The following UGT1A6 variants were observed in gnomAD, a reference collection of about 807,000 sequenced individuals.
UGT1A6 encodes UDP-glucuronosyltransferase 1A6.
A neutral mutation model predicts 44.4 loss-of-function variants in UGT1A6; 32 were observed. The ratio of observed to expected loss-of-function variants is 0.72; its 90% CI spans 0.54 to 0.97. UGT1A6 has a LOEUF of 0.97. Among genes scored for constraint, UGT1A6 ranks in the 50% least tolerant of loss-of-function variants. The probability of loss-of-function intolerance (pLI) is 0.00; values close to 1 mark genes in which losing one functional copy is unlikely to be tolerated. For synonymous variants in UGT1A6, 238 were observed against 248.5 expected (o/e 0.96, Z 0.40); for missense variants, 685 against 661.9 (o/e 1.03, Z -0.38).
At chr2:233,734,022 G>T (rs1181978921) in intron 1 of UGT1A6, among the ~76,000 whole-genome samples, 1 of 151,928 alleles carries the variant, frequency 6.6e-6, no homozygotes, top group Non-Finnish European at 1.5e-5. Context: ...CGAGTTAATG[G>T]GTGCAGCACA....
rs45569333 is a variant in UGT1A6, at chr2:233,718,151, T to A, written c.861+24286T>A. The A allele has an allele frequency of 1.8e-4, 44 of 241,004 alleles. No individual in the cohort carries two copies. The East Asian group carries it at 3.7e-3, about 20-fold the overall frequency. The allele number at this position is 241,004 out of a possible 1,614,324, so 14.9% of individuals were successfully genotyped here. ...TAGATGGAGAATCCTCAATAAAGCC[T>A]TCCCAAGAATATGATCATCACATCT... On this transcript the variant is annotated intron_variant, in intron 1 of 4. Transcript: ENST00000305139.
At chr2:233,719,076 C>A (rs2076722760) in intron 1 of UGT1A6, 1 of 1,614,264 alleles carries the variant, frequency 6.2e-7, no homozygotes, top group East Asian at 2.2e-5. Context: ...TCCATGGACC[C>A]AGAAGGAATT....
intron 1 of UGT1A6, among the ~76,000 whole-genome samples, chr2:233,721,134 G>T (rs929528058): frequency 6.6e-6 from 1 of 152,014 alleles, no homozygotes; most frequent in East Asian, 1.9e-4. Context: ...ATTAGTGTAG[G>T]TATTATTGCA....
At chr2:233,731,004 T>C (rs2078096458) in intron 1 of UGT1A6, among the ~76,000 whole-genome samples, 1 of 152,244 alleles carries the variant, frequency 6.6e-6, no homozygotes, top group South Asian at 2.1e-4. Flanking sequence ...CTGTGCCATG[T>C]ACATCGTGAG....
At chr2:233,739,434 A>C (rs369218024) in intron 1 of UGT1A6, among the ~76,000 whole-genome samples, 2 of 152,136 alleles carry the variant, frequency 1.3e-5, no homozygotes, top group African/African-American at 2.4e-5. Flanking sequence ...CGAGGGCTTT[A>C]CCCTGCAAAG....
intron 4 of UGT1A6, chr2:233,770,632 T>G (rs561537548): frequency 1.3e-5 from 2 of 150,950 alleles, no homozygotes; most frequent in Admixed American, 6.6e-5. Flanking sequence ...CACTCCAGCC[T>G]GGGCGACAGA....
intron 1 of UGT1A6, among the ~76,000 whole-genome samples, chr2:233,712,135 C>T (rs953874748): frequency 2.6e-5 from 4 of 152,214 alleles, no homozygotes; most frequent in South Asian, 2.1e-4. Flanking sequence ...CTGGAGCCTT[C>T]AGCATTCAGA....
intron 1 of UGT1A6, among the ~76,000 whole-genome samples, chr2:233,742,109 C>T (rs544656761): frequency 8.6e-5 from 13 of 151,972 alleles, no homozygotes; most frequent in Admixed American, 7.8e-4. Context: ...ACTGCCAAGA[C>T]CAGCTTGGTC....
At chr2:233,760,762 A>G in intron 1 of UGT1A6, 9 of 1,614,056 alleles carry the variant, frequency 5.6e-6, no homozygotes, top group Non-Finnish European at 7.6e-6. Flanking sequence ...TTGCAGCCCC[A>G]TCGTGGCCCA....
intron 1 of UGT1A6, among the ~76,000 whole-genome samples, chr2:233,722,821 T>C (rs1575543414): frequency 6.6e-6 from 1 of 151,782 alleles, no homozygotes; most frequent in African/African-American, 2.4e-5. Flanking sequence ...TTTCAAGTTA[T>C]TTTGTATTAT....
At chr2:233,729,800 A>G (rs778424052) in intron 1 of UGT1A6, 13 of 1,613,840 alleles carry the variant, frequency 8.1e-6, no homozygotes, top group South Asian at 1.1e-5. Context: ...TACATTTGCC[A>G]TGCTTTTTCT....
At chr2:233,748,499 T>C (rs1693956853) in intron 1 of UGT1A6, among the ~76,000 whole-genome samples, 1 of 151,838 alleles carries the variant, frequency 6.6e-6, no homozygotes, top group Admixed American at 6.5e-5. Context: ...GTGATAATTT[T>C]TAGTGGTCCT....
intron 1 of UGT1A6, among the ~76,000 whole-genome samples, chr2:233,750,888 T>C (rs577435588): frequency 6.6e-6 from 1 of 152,002 alleles, no homozygotes; most frequent in South Asian, 2.1e-4. Context: ...GGAGCCCTTA[T>C]AGAGAACCTC....
chr2:233,702,396 T>TTATC (rs1241855388), intron 1 of UGT1A6, among the ~76,000 whole-genome samples: 1 of 152,220 alleles, frequency 6.6e-6, no homozygotes, highest in Non-Finnish European at 1.5e-5. Flanking sequence ...CCAGATCATG[T>TTATC]TATCTACAAA....
intron 1 of UGT1A6, among the ~76,000 whole-genome samples, chr2:233,742,165 C>A (rs1314313900): frequency 2.0e-5 from 3 of 151,916 alleles, no homozygotes; most frequent in Non-Finnish European, 2.9e-5. Context: ...AAGACACACA[C>A]ACAGAAATAT....
At chr2:233,755,117 C>T (rs1274976698) in intron 1 of UGT1A6, 1 of 1,330,518 alleles carries the variant, frequency 7.5e-7, no homozygotes, top group Admixed American at 1.9e-5. Flanking sequence ...CCTCGTAGGC[C>T]TCAGCCACCT....
At chr2:233,748,721 A>G (rs555676494) in intron 1 of UGT1A6, among the ~76,000 whole-genome samples, 1 of 151,762 alleles carries the variant, frequency 6.6e-6, no homozygotes, top group East Asian at 1.9e-4. Context: ...CTGGTGCATG[A>G]TGTGGGGACA....
intron 4 of UGT1A6, among the ~76,000 whole-genome samples, chr2:233,771,783 T>TCTCACTCCCTCCCTCC (rs1700380653): frequency 6.6e-6 from 1 of 151,556 alleles, no homozygotes; most frequent in Non-Finnish European, 1.5e-5. Context: ...TCCTTTCCTC[T>TCTCACTCCCTCCCTCC]CTCCCTCCCT....
At chr2:233,766,980 A>G (rs1699299686) in intron 1 of UGT1A6, 54 bp from the exon 2 acceptor site, 14 of 1,612,720 alleles carry the variant, frequency 8.7e-6, no homozygotes, top group Non-Finnish European at 1.1e-5. Flanking sequence ...TACTGTATGT[A>G]GTCATCAAAG....
Sources: allele counts gnomAD v4.1 joint callset (sites outside exome capture counted in the v4.1 genomes callset), GRCh38; gene constraint gnomAD v4.1.1; transcripts MANE v1.5; gene names NCBI Gene and HGNC (gene_info 2026-07-23, HGNC 2026-07-21).